The following PTPRM variants were observed in gnomAD, a reference collection of about 807,000 sequenced individuals.
PTPRM encodes protein tyrosine phosphatase receptor type M.
Under a neutral mutation model 186.7 loss-of-function variants are expected in PTPRM, and 47 were observed. The observed-to-expected ratio is 0.25, with a 90% confidence interval of 0.20 to 0.32. PTPRM has a LOEUF of 0.32. PTPRM is among the 10% of genes least tolerant of loss of function. The pLI, the probability that PTPRM is intolerant of heterozygous loss-of-function variation, is 1.00. For missense variants in PTPRM, 1,494 were observed against 1,865.0 expected (o/e 0.80, Z 3.66); for synonymous variants, 668 against 674.9 (o/e 0.99, Z 0.16).
chr18:7,702,431 C>G (rs1310876833), intron 1 of PTPRM, among the ~76,000 whole-genome samples: 2 of 152,178 alleles, frequency 1.3e-5, no homozygotes, highest in African/African-American at 2.4e-5. Context: ...TTGCATTTCT[C>G]TAATGACCAG....
chr18:7,572,676 G>A (rs867422961), intron 1 of PTPRM, among the ~76,000 whole-genome samples: 1 of 152,084 alleles, frequency 6.6e-6, no homozygotes, highest in Admixed American at 6.6e-5. Context: ...TTTCTTAGGG[G>A]TTATGTCCAC....
Position 7,568,141 on chromosome 18 carries a change from G to C in PTPRM, c.73+250G>C, listed in dbSNP as rs1336160990. The stretch of plus-strand genomic sequence containing the variant: ...GCGAGCTCCCCAGCCGGGACTGCCA[G>C]CTCGGCCGCCGTCCTTCCGCGGCCT... On this transcript the variant is annotated intron_variant, in intron 1 of 32. Transcript: ENST00000580170. The surrounding 1 kb of genome is among the most constrained non-coding windows in gnomAD (Gnocchi z 5.1). Among the ~76,000 whole-genome samples, 1 of 151,934 alleles carries C rather than the reference G, an allele frequency of 6.6e-6. No individual in the cohort carries two copies. The highest frequency in any genetic ancestry group is 2.4e-5 in the African/African-American group (1 of 41,418).
rs140767454 is a variant in PTPRM at position 7,711,090 on chromosome 18, A to G, written c.74-63059A>G. Among the ~76,000 whole-genome samples the G allele has an allele frequency of 7.9e-4, 121 of 152,258 alleles. 1 individual carries two copies. Among genetic ancestry groups the G allele is most frequent in the African/African-American group, 2.8e-3 (115 of 41,568 alleles). On this transcript the variant is annotated intron_variant, in intron 1 of 32. Coordinates refer to ENST00000580170, the MANE Select transcript of PTPRM (RefSeq NM_001105244.2). ...CAGTCTGCAGCTCCCAGTGAGATCAATGCAGAAGGCGGGTGATTTCTGCAT... is the reference window on the plus strand; with the variant it reads ...CAGTCTGCAGCTCCCAGTGAGATCAGTGCAGAAGGCGGGTGATTTCTGCAT...
At chr18:7,817,547 T>TAAAA (rs1242355964) in intron 2 of PTPRM, among the ~76,000 whole-genome samples, 3 of 152,264 alleles carry the variant, frequency 2.0e-5, no homozygotes, top group Non-Finnish European at 4.4e-5. Flanking sequence ...ATGTGTTTTT[T>TAAAA]ATAATTACAA....
chr18:8,082,432 G>C (rs2090176064), intron 9 of PTPRM, among the ~76,000 whole-genome samples: 1 of 151,752 alleles, frequency 6.6e-6, no homozygotes, highest in East Asian at 1.9e-4. Context: ...ACATGGATGG[G>C]TACTTTTTTT....
intron 14 of PTPRM, among the ~76,000 whole-genome samples, chr18:8,165,655 G>A (rs145364978): frequency 6.6e-6 from 1 of 152,298 alleles, no homozygotes; most frequent in Non-Finnish European, 1.5e-5. Flanking sequence ...ATTATTTTTA[G>A]GCACCAGAGA....
rs544275132 is a variant in PTPRM at position 8,051,108 on chromosome 18, G to T, written c.1133-18578G>T. Among the ~76,000 whole-genome samples the T allele has an allele frequency of 7.9e-5, 12 of 152,240 alleles. No individual in the cohort carries two copies. In the South Asian group the frequency reaches 2.3e-3, roughly 29 times the overall value. The stretch of plus-strand genomic sequence containing the variant: ...TTTTCAAGTCACAGGACTCCATCCC[G>T]TGGGGGTATCTGTGGAACTGCTGAA... On this transcript the variant is annotated intron_variant, in intron 7 of 32. Coordinates refer to ENST00000580170, the MANE Select transcript of PTPRM (RefSeq NM_001105244.2).
intron 5 of PTPRM, among the ~76,000 whole-genome samples, chr18:7,948,739 T>C (rs1285157521): frequency 6.6e-6 from 1 of 152,224 alleles, no homozygotes; most frequent in Non-Finnish European, 1.5e-5. Flanking sequence ...AGTTGAATGT[T>C]ATTCTTAATA....
At chr18:8,208,794 G>A (rs1018372077) in intron 14 of PTPRM, among the ~76,000 whole-genome samples, 6 of 152,216 alleles carry the variant, frequency 3.9e-5, no homozygotes, top group Non-Finnish European at 7.3e-5. Context: ...TTACAGGTGT[G>A]AATCACTGCA....
chr18:7,641,965 G>A (rs1314709476), intron 1 of PTPRM, among the ~76,000 whole-genome samples: 2 of 152,188 alleles, frequency 1.3e-5, no homozygotes, highest in Non-Finnish European at 1.5e-5. Flanking sequence ...TATGAGGGAT[G>A]TGGAGGATTA....
At chr18:7,671,284 T>A (rs1346236260) in intron 1 of PTPRM, among the ~76,000 whole-genome samples, 4 of 152,238 alleles carry the variant, frequency 2.6e-5, no homozygotes, top group African/African-American at 9.6e-5. Context: ...TTAAAAATGC[T>A]TGACGGAATA....
At chr18:8,066,243 C>T (rs2089065480) in intron 7 of PTPRM, among the ~76,000 whole-genome samples, 1 of 152,116 alleles carries the variant, frequency 6.6e-6, no homozygotes, top group Non-Finnish European at 1.5e-5. Context: ...GTCAGATTTC[C>T]TTAGTCATTG....
At chr18:7,783,963 C>G (rs28510239) in intron 2 of PTPRM, among the ~76,000 whole-genome samples, 2,405 of 151,948 alleles carry the variant, frequency 0.016, 40 homozygotes, top group African/African-American at 0.049. Flanking sequence ...TGGAGTGGGC[C>G]ATCACTGTGC....
At chr18:7,874,036 T>G (rs1361956988) in intron 2 of PTPRM, among the ~76,000 whole-genome samples, 1 of 152,110 alleles carries the variant, frequency 6.6e-6, no homozygotes. Flanking sequence ...TTGTCAACAT[T>G]ATATTATTGG....
intron 2 of PTPRM, among the ~76,000 whole-genome samples, chr18:7,849,769 G>A (rs1164686534): frequency 6.6e-6 from 1 of 152,138 alleles, no homozygotes; most frequent in Non-Finnish European, 1.5e-5. Flanking sequence ...ACTTAGCAAA[G>A]GTTGAGAACA....
rs143154831 is a variant in PTPRM at position 7,742,370 on chromosome 18, C to T, written c.74-31779C>T. Among the ~76,000 whole-genome samples, 741 of 152,220 alleles carry T rather than the reference C, an allele frequency of 4.9e-3. 6 individuals are homozygous for T. The highest frequency in any genetic ancestry group is 0.017 in the African/African-American group (725 of 41,538). ...GTGACTAGGCTCCTGGGATTTTCTTCGATCTGATTGTGCAAAATAGTTGAT... is the reference window on the plus strand; with the variant it reads ...GTGACTAGGCTCCTGGGATTTTCTTTGATCTGATTGTGCAAAATAGTTGAT... On this transcript the variant is annotated intron_variant, in intron 1 of 32. Coordinates refer to ENST00000580170, the MANE Select transcript of PTPRM (RefSeq NM_001105244.2).
At chr18:7,939,083 A>G (rs1568041360) in intron 5 of PTPRM, among the ~76,000 whole-genome samples, 1 of 152,234 alleles carries the variant, frequency 6.6e-6, no homozygotes. Context: ...TTTAGCTTGC[A>G]TAAGATATTT....
chr18:8,378,254 T>A lies in PTPRM; in HGVS notation c.3463-11T>A. ...TCTAAAGTTAGTAACTCGTTCCATC[T>A]CCTTCTCCAGGAGCAGTATGTGTTT... On this transcript the variant is annotated splice_polypyrimidine_tract_variant and intron_variant, in intron 26 of 32. Coordinates refer to ENST00000580170, the MANE Select transcript of PTPRM (RefSeq NM_001105244.2). 6.2e-7 allele frequency: 1 copy of A among 1,605,326 alleles called. No individual in the cohort carries two copies.
chr18:7,945,175 C>T (rs1181166690), intron 5 of PTPRM, among the ~76,000 whole-genome samples: 5 of 151,854 alleles, frequency 3.3e-5, no homozygotes, highest in Admixed American at 1.3e-4. Flanking sequence ...GAGTCCCGGC[C>T]GGGCGTGGTG....
Sources: allele counts gnomAD v4.1 joint callset (sites outside exome capture counted in the v4.1 genomes callset), GRCh38; gene constraint gnomAD v4.1.1; non-coding constraint Gnocchi (gnomAD v3.1); transcripts MANE v1.5; gene names NCBI Gene and HGNC (gene_info 2026-07-23, HGNC 2026-07-21).